The following GTF2F2 variants were observed in gnomAD, a reference collection of about 807,000 sequenced individuals.
GTF2F2 encodes the protein general transcription factor IIF subunit 2.
Under a neutral mutation model 42.2 loss-of-function variants are expected in GTF2F2, and 23 were observed. The ratio of observed to expected loss-of-function variants is 0.55; its 90% confidence interval spans 0.39 to 0.77. The LOEUF (loss-of-function observed/expected upper bound fraction) is 0.77, where lower values mean the gene tolerates loss of function less well. GTF2F2 is among the 30% of genes least tolerant of loss of function. The probability of loss-of-function intolerance (pLI) is 0.00; values close to 1 mark genes in which losing one functional copy is unlikely to be tolerated. For synonymous variants in GTF2F2, 105 were observed against 100.8 expected (o/e 1.04, Z -0.25); for missense variants, 261 against 287.2 (o/e 0.91, Z 0.66).
In GTF2F2 at chr13:45,144,263, A is replaced by G. The variant is rs115907788; in HGVS notation, c.141-5507A>G. 8.0e-3 allele frequency among the ~76,000 whole-genome samples: 1,211 copies of G among 152,118 alleles called. 22 individuals are homozygous for G. The highest frequency in any genetic ancestry group is 0.027 in the African/African-American group (1,126 of 41,472). On this transcript the variant is annotated intron_variant, in intron 2 of 7. Coordinates refer to ENST00000340473, the MANE Select transcript of GTF2F2 (RefSeq NM_004128.3). Reference sequence around the variant, plus strand: ...CGCAAAACTCAGTCTCAAAAAAAAAATTAGTTTATAGTTTTGCTTTAGCTT... The same window carrying G: ...CGCAAAACTCAGTCTCAAAAAAAAAGTTAGTTTATAGTTTTGCTTTAGCTT...
chr13:45,211,609 C>T (rs1404050860), intron 5 of GTF2F2, among the ~76,000 whole-genome samples: 2 of 142,396 alleles, frequency 1.4e-5, no homozygotes, highest in Non-Finnish European at 3.0e-5. Flanking sequence ...TTTTGAGAGA[C>T]GGAGTTTTGC....
At chr13:45,222,606 C>A (rs1874164225) in intron 5 of GTF2F2, among the ~76,000 whole-genome samples, 1 of 151,816 alleles carries the variant, frequency 6.6e-6, no homozygotes, top group Non-Finnish European at 1.5e-5. Context: ...CATTTTTTTT[C>A]CCCTCAGAAT....
chr13:45,163,819 A>G (rs1871146047), intron 4 of GTF2F2, among the ~76,000 whole-genome samples: 1 of 152,282 alleles, frequency 6.6e-6, no homozygotes, highest in East Asian at 1.9e-4. Flanking sequence ...AAACAGAGAC[A>G]GGTTATTTGG....
intron 4 of GTF2F2, among the ~76,000 whole-genome samples, chr13:45,196,511 A>G (rs1872898685): frequency 6.6e-6 from 1 of 152,228 alleles, no homozygotes; most frequent in Admixed American, 6.5e-5. Context: ...CATTCATGGA[A>G]TTCTTGTGTT....
At position 45,278,816 on chromosome 13, in the gene GTF2F2, CTTTTTTTT is replaced by C. The variant is rs1157972776; in HGVS notation, c.631-4608_631-4601del. 7.2e-3 allele frequency among the ~76,000 whole-genome samples: 447 copies of C among 62,330 alleles called. 4 individuals carry two copies. Among genetic ancestry groups the C allele is most frequent in the African/African-American group, 0.029 (423 of 14,406 alleles). The allele number at this position is 62,330 out of a possible 152,430, so 40.9% of individuals were successfully genotyped here. A position where few individuals can be genotyped will look rare whatever the true frequency, so the allele number is the denominator to read the frequency against. ...CCTGCCAATTTGCCTTTTTCTTTTTCTTTTTTTTTTTTTTTTTTTTTTTTTGAGGTGGA... is the reference window on the plus strand; with the variant it reads ...CCTGCCAATTTGCCTTTTTCTTTTTCTTTTTTTTTTTTTTTTTGAGGTGGA... On this transcript the variant is annotated intron_variant, in intron 7 of 7. Transcript: ENST00000340473.
At position 45,242,239 on chromosome 13, in the gene GTF2F2, G is replaced by A. The variant is rs549368172; in HGVS notation, c.387-10632G>A. On this transcript the variant is annotated intron_variant, in intron 5 of 7. Coordinates refer to ENST00000340473, the MANE Select transcript of GTF2F2 (RefSeq NM_004128.3). Reference sequence around the variant, plus strand: ...GCCTTCTGTCTGCCTTCCAAGCTGCGTCTTCTGCTGGCACTTCTTTTTTTT... The same window carrying A: ...GCCTTCTGTCTGCCTTCCAAGCTGCATCTTCTGCTGGCACTTCTTTTTTTT... 5.6e-5 allele frequency among the ~76,000 whole-genome samples: 8 copies of A among 143,456 alleles called. No homozygotes were observed. The East Asian group carries it at 1.0e-3, about 18-fold the overall frequency. 94.1% of individuals were successfully genotyped at this position (143,456 alleles called of 152,430 possible). A position where few individuals can be genotyped will look rare whatever the true frequency, so the allele number is the denominator to read the frequency against.
chr13:45,137,242 A>G (rs1253389881), intron 2 of GTF2F2, among the ~76,000 whole-genome samples: 1 of 152,174 alleles, frequency 6.6e-6, no homozygotes, highest in Non-Finnish European at 1.5e-5. Context: ...TATCTAGAAA[A>G]CAGTGTAACA....
chr13:45,203,017 C>G (rs1281147569), intron 4 of GTF2F2, among the ~76,000 whole-genome samples: 1 of 152,158 alleles, frequency 6.6e-6, no homozygotes, highest in African/African-American at 2.4e-5. Flanking sequence ...ATATGTAAGA[C>G]AAGGCCTTTG....
At chr13:45,128,371 G>A (rs1026077922) in intron 1 of GTF2F2, among the ~76,000 whole-genome samples, 145 of 149,222 alleles carry the variant, frequency 9.7e-4, no homozygotes, top group African/African-American at 3.4e-3. Flanking sequence ...TCAGGAGTTC[G>A]AGACCAGCCT....
chr13:45,142,627 A>G (rs907551554), intron 2 of GTF2F2, among the ~76,000 whole-genome samples: 3 of 152,216 alleles, frequency 2.0e-5, no homozygotes, highest in Admixed American at 1.3e-4. Flanking sequence ...TAGAAGATCT[A>G]GATACTTTTA....
At chr13:45,196,147 T>A (rs192037460) in intron 4 of GTF2F2, among the ~76,000 whole-genome samples, 28 of 152,324 alleles carry the variant, frequency 1.8e-4, no homozygotes, top group African/African-American at 6.7e-4. Flanking sequence ...AAGTTAACAT[T>A]TATGTATTAT....
chr13:45,185,762 T>C (rs1302200521), intron 4 of GTF2F2, among the ~76,000 whole-genome samples: 1 of 152,180 alleles, frequency 6.6e-6, no homozygotes, highest in Non-Finnish European at 1.5e-5. Context: ...ACTAAATCAT[T>C]TATGACTTTT....
At chr13:45,201,973 A>G (rs1247555986) in intron 4 of GTF2F2, among the ~76,000 whole-genome samples, 1 of 151,996 alleles carries the variant, frequency 6.6e-6, no homozygotes, top group East Asian at 1.9e-4. Flanking sequence ...AAGAGCGAGC[A>G]AGCACAGACA....
intron 1 of GTF2F2, among the ~76,000 whole-genome samples, chr13:45,121,852 G>A (rs993325159): frequency 6.6e-6 from 1 of 152,124 alleles, no homozygotes; most frequent in Non-Finnish European, 1.5e-5. Flanking sequence ...TAAAAGGATG[G>A]ATTAAATAGG....
At chr13:45,195,697 G>A (rs1872856678) in intron 4 of GTF2F2, among the ~76,000 whole-genome samples, 1 of 152,100 alleles carries the variant, frequency 6.6e-6, no homozygotes, top group African/African-American at 2.4e-5. Context: ...GGGTTCTGAG[G>A]TTTCACTTCT....
intron 4 of GTF2F2, among the ~76,000 whole-genome samples, chr13:45,165,331 A>ATATTT (rs761914958): frequency 2.2e-5 from 3 of 136,922 alleles, no homozygotes; most frequent in Admixed American, 7.2e-5. Context: ...ATATATATAT[A>ATATTT]TTTTTTTTTT....
At chr13:45,217,417 C>CTCACATTT (rs1453944505) in intron 5 of GTF2F2, among the ~76,000 whole-genome samples, 3 of 151,682 alleles carry the variant, frequency 2.0e-5, no homozygotes, top group Non-Finnish European at 4.4e-5. Context: ...TAAACCATTA[C>CTCACATTT]TCACATTTTG....
intron 1 of GTF2F2, among the ~76,000 whole-genome samples, chr13:45,132,330 T>C (rs1254220712): frequency 2.0e-5 from 3 of 152,172 alleles, no homozygotes; most frequent in East Asian, 1.9e-4. Flanking sequence ...TGGGGAAATA[T>C]TGTTTCCAAG....
chr13:45,140,498 A>T lies in GTF2F2; in HGVS notation c.140+3692A>T, dbSNP rs143151762. ...TGAATCTTCTGACTTTAGATTTCTT[A>T]TCCTAAAAGTTGCCTTTTTGCAGGG... On this transcript the variant is annotated intron_variant, in intron 2 of 7. Coordinates refer to ENST00000340473, the MANE Select transcript of GTF2F2 (RefSeq NM_004128.3). Among the ~76,000 whole-genome samples the T allele has an allele frequency of 3.2e-4, 48 of 152,308 alleles. No individual in the cohort carries two copies. In the East Asian group the frequency reaches 6.4e-3, roughly 20 times the overall value.
Sources: gnomAD v4.1 joint callset for allele counts (sites outside exome capture counted in the v4.1 genomes callset) on GRCh38, gnomAD v4.1.1 for gene constraint, MANE v1.5 for transcripts, NCBI Gene and HGNC (gene_info 2026-07-23, HGNC 2026-07-21) for gene names.